Variants in RAPGEF2 observed in about 807,000 individuals in gnomAD.
RAPGEF2 encodes PDZ domain containing guanine nucleotide exchange factor (GEF) 1.
Under a neutral mutation model 186.7 loss-of-function variants are expected in RAPGEF2, and 54 were observed. The observed-to-expected ratio is 0.29, with a 90% CI of 0.23 to 0.36. The LOEUF (loss-of-function observed/expected upper bound fraction) is 0.36, where lower values mean the gene tolerates loss of function less well. Among genes scored for constraint, RAPGEF2 ranks in the 10% least tolerant of loss-of-function variants. The pLI is 1.00. For missense variants in RAPGEF2, 1,532 were observed against 2,045.0 expected (o/e 0.75, Z 4.84); for synonymous variants, 712 against 705.9 (o/e 1.01, Z -0.14).
chr4:159,252,241 G>A (rs995876047), intron 7 of RAPGEF2, among the ~76,000 whole-genome samples: 1 of 152,108 alleles, frequency 6.6e-6, no homozygotes, highest in African/African-American at 2.4e-5. Context: ...GTAGGGACAG[G>A]GTTTCGCCAT....
At chr4:159,166,024 G>C (rs1332705452) in intron 1 of RAPGEF2, among the ~76,000 whole-genome samples, 1 of 152,138 alleles carries the variant, frequency 6.6e-6, no homozygotes, top group Non-Finnish European at 1.5e-5. Flanking sequence ...GTGCTCCAAA[G>C]ATGTAAGGAA....
intron 1 of RAPGEF2, among the ~76,000 whole-genome samples, chr4:159,152,704 G>A (rs1281382247): frequency 1.3e-5 from 2 of 152,112 alleles, no homozygotes; most frequent in East Asian, 3.9e-4. Context: ...TGCAAGCTCT[G>A]CCACCCAGGT....
At chr4:159,161,577 G>A (rs1215927938) in intron 1 of RAPGEF2, among the ~76,000 whole-genome samples, 2 of 152,220 alleles carry the variant, frequency 1.3e-5, no homozygotes, top group South Asian at 2.1e-4. Context: ...GGTGACACTT[G>A]CCTGTAGTCC....
chr4:159,158,222 A>G (rs974540249), intron 1 of RAPGEF2, among the ~76,000 whole-genome samples: 3 of 152,192 alleles, frequency 2.0e-5, no homozygotes, highest in Non-Finnish European at 4.4e-5. Context: ...TCACTCCCCA[A>G]CCAGCAATAA....
intron 7 of RAPGEF2, among the ~76,000 whole-genome samples, chr4:159,278,545 A>G (rs747724920): frequency 7.2e-5 from 11 of 152,240 alleles, no homozygotes; most frequent in East Asian, 1.9e-4. Context: ...TAACCCATCT[A>G]TAAAAATAAC....
At chr4:159,282,652 A>G (rs780578305) in intron 7 of RAPGEF2, 3 of 451,836 alleles carry the variant, frequency 6.6e-6, no homozygotes, top group East Asian at 7.0e-5. Flanking sequence ...TATGTATTCT[A>G]TTTCTTCCTA....
intron 8 of RAPGEF2, among the ~76,000 whole-genome samples, chr4:159,311,076 G>T (rs2111090195): frequency 6.6e-6 from 1 of 152,140 alleles, no homozygotes; most frequent in East Asian, 1.9e-4. Context: ...TTGAGTCCTA[G>T]CACAGTTACT....
intron 1 of RAPGEF2, among the ~76,000 whole-genome samples, chr4:159,173,084 C>T (rs1746083704): frequency 6.6e-6 from 1 of 152,134 alleles, no homozygotes; most frequent in Non-Finnish European, 1.5e-5. Context: ...ATTTGCTTCT[C>T]CTGTCCTCTT....
At chr4:159,291,587 T>A (rs1372760355) in intron 7 of RAPGEF2, among the ~76,000 whole-genome samples, 2 of 152,208 alleles carry the variant, frequency 1.3e-5, no homozygotes, top group African/African-American at 2.4e-5. Context: ...TGAGCCACCA[T>A]GCCTGACCAG....
chr4:159,158,517 T>A (rs575301354), intron 1 of RAPGEF2, among the ~76,000 whole-genome samples: 23 of 152,320 alleles, frequency 1.5e-4, no homozygotes, highest in Admixed American at 3.9e-4. Flanking sequence ...CAAATCTCTC[T>A]GCTTTTAAAT....
chr4:159,329,288 C>G (rs923004804), intron 11 of RAPGEF2: 2 of 152,012 alleles, frequency 1.3e-5, no homozygotes, highest in Admixed American at 6.6e-5. Context: ...ACCCTTAATA[C>G]CAGTTATAAG....
At position 159,198,308 on chromosome 4, in the gene RAPGEF2, TTC is replaced by T. The variant is rs1189870690; in HGVS notation, c.197+5054_197+5055del. Among the ~76,000 whole-genome samples, 19 of 73,774 alleles carry T rather than the reference TTC, an allele frequency of 2.6e-4. 1 individual carries two copies. Among genetic ancestry groups the T allele is most frequent in the African/African-American group, 8.3e-4 (7 of 8,476 alleles). The allele number at this position is 73,774 out of a possible 152,430, so 48.4% of individuals were successfully genotyped here. A position where few individuals can be genotyped will look rare whatever the true frequency, so the allele number is the denominator to read the frequency against. On this transcript the variant is annotated intron_variant, in intron 3 of 29. Coordinates refer to ENST00000691494, the MANE Select transcript of RAPGEF2 (RefSeq NM_001394067.2). ...TTTCTTTCTTTCTTTCTTTCTTTCT[TTC>T]TTTCTTTCTTTCTTTCTTTCTTTCT... is the stretch of plus-strand genomic sequence containing the variant.
intron 1 of RAPGEF2, among the ~76,000 whole-genome samples, chr4:159,112,605 GAATA>G (rs760341100): frequency 1.3e-5 from 2 of 151,878 alleles, no homozygotes; most frequent in Non-Finnish European, 2.9e-5. Context: ...GTAAGTAGTT[GAATA>G]AATAAATAAA....
chr4:159,168,146 A>G (rs1342318337), intron 1 of RAPGEF2, among the ~76,000 whole-genome samples: 1 of 152,186 alleles, frequency 6.6e-6, no homozygotes, highest in Non-Finnish European at 1.5e-5. Flanking sequence ...TGAATTCTAC[A>G]AGGAAGTTAC....
intron 4 of RAPGEF2, among the ~76,000 whole-genome samples, chr4:159,219,561 T>C (rs1313862340): frequency 6.6e-6 from 1 of 152,084 alleles, no homozygotes; most frequent in Non-Finnish European, 1.5e-5. Flanking sequence ...TTCACCGTGT[T>C]AGCCAGGATG....
chr4:159,155,747 C>T (rs913589264), intron 1 of RAPGEF2, among the ~76,000 whole-genome samples: 8 of 151,368 alleles, frequency 5.3e-5, no homozygotes, highest in South Asian at 2.1e-4. Context: ...GTAAATGCAT[C>T]CCTTATGCCT....
chr4:159,131,931 C>T (rs777285588), intron 1 of RAPGEF2, among the ~76,000 whole-genome samples: 35 of 152,112 alleles, frequency 2.3e-4, no homozygotes, highest in Non-Finnish European at 3.5e-4. Context: ...GTTACAGTCT[C>T]CTTACCAAGA....
chr4:159,348,289 T>C (rs1005415662), intron 25 of RAPGEF2, among the ~76,000 whole-genome samples: 8 of 151,812 alleles, frequency 5.3e-5, no homozygotes, highest in Non-Finnish European at 1.2e-4. Context: ...GATGGATAGA[T>C]AGATAAAGAT....
At chr4:159,159,172 C>A (rs191674013) in intron 1 of RAPGEF2, among the ~76,000 whole-genome samples, 1 of 152,168 alleles carries the variant, frequency 6.6e-6, no homozygotes, top group African/African-American at 2.4e-5. Flanking sequence ...TGGTTTGCAG[C>A]GCCCGTCCAC....
Sources: allele counts gnomAD v4.1 joint callset (sites outside exome capture counted in the v4.1 genomes callset), GRCh38; gene constraint gnomAD v4.1.1; transcripts MANE v1.5; gene names NCBI Gene and HGNC (gene_info 2026-07-23, HGNC 2026-07-21).